Variants in NCAM2 observed in about 807,000 individuals in gnomAD.
NCAM2 encodes the protein neural cell adhesion molecule 2.
In NCAM2, 30 loss-of-function variants were observed where a neutral mutation model predicts 98.1. The observed-to-expected ratio is 0.31, with a 90% CI of 0.23 to 0.41. The LOEUF (loss-of-function observed/expected upper bound fraction) is 0.41. Ranked by LOEUF, NCAM2 falls within the 10% of genes least tolerant of loss-of-function variation. The pLI is 1.00. For missense variants in NCAM2, 867 were observed against 1,005.8 expected, an observed-to-expected ratio of 0.86 and a Z score of 1.87; for synonymous variants, 368 against 342.4, an observed-to-expected ratio of 1.07 and a Z score of -0.83.
At chr21:21,403,582 A>G (rs1349849098) in intron 9 of NCAM2, among the ~76,000 whole-genome samples, 1 of 152,200 alleles carries the variant, frequency 6.6e-6, no homozygotes, top group Non-Finnish European at 1.5e-5. Flanking sequence ...ATGGCTTACT[A>G]TTCATAGACA....
At chr21:21,273,443 G>A (rs1310375518) in intron 1 of NCAM2, among the ~76,000 whole-genome samples, 1 of 152,056 alleles carries the variant, frequency 6.6e-6, no homozygotes, top group Non-Finnish European at 1.5e-5. Context: ...TATAAGAATA[G>A]TCAGGAAAGT....
In NCAM2 at chr21:21,442,256, G is replaced by A. The variant is rs1211234449; in HGVS notation, c.1654+9975G>A. ...TGGTCTTCTAAATGAAAGACACACA[G>A]CACTCAAACCAGGCAGTTGAGGAGG... On this transcript the variant is annotated intron_variant, in intron 12 of 17. Transcript: ENST00000400546. Among the ~76,000 whole-genome samples the A allele has an allele frequency of 2.0e-5, 3 of 152,106 alleles. No homozygotes were observed. In the East Asian group the frequency reaches 5.8e-4, roughly 29 times the overall value.
chr21:21,428,549 A>G (rs2077263644), intron 11 of NCAM2, among the ~76,000 whole-genome samples: 1 of 152,230 alleles, frequency 6.6e-6, no homozygotes, highest in Non-Finnish European at 1.5e-5. Flanking sequence ...TTAGACATCC[A>G]ATAGAAAAGG....
At chr21:21,077,905 T>C (rs2065712398) in intron 1 of NCAM2, among the ~76,000 whole-genome samples, 1 of 152,142 alleles carries the variant, frequency 6.6e-6, no homozygotes, top group African/African-American at 2.4e-5. Context: ...TCATCTAACA[T>C]TTTTAAAATA....
chr21:21,285,049 C>G (rs565542300), intron 3 of NCAM2, among the ~76,000 whole-genome samples: 1 of 151,712 alleles, frequency 6.6e-6, no homozygotes, highest in Non-Finnish European at 1.5e-5. Flanking sequence ...CAATTACTTT[C>G]GTGACCTTGA....
chr21:21,223,863 A>G (rs2070272233), intron 1 of NCAM2: 1 of 152,218 alleles, frequency 6.6e-6, no homozygotes, highest in African/African-American at 2.4e-5. Context: ...AGACGAATAA[A>G]ACATCATCTA....
At chr21:21,354,554 C>T (rs923305133) in intron 8 of NCAM2, among the ~76,000 whole-genome samples, 4 of 152,118 alleles carry the variant, frequency 2.6e-5, no homozygotes, top group African/African-American at 7.2e-5. Context: ...CTAACCTCAG[C>T]GTATCCACCC....
intron 8 of NCAM2, among the ~76,000 whole-genome samples, chr21:21,339,000 G>A (rs999733022): frequency 1.3e-5 from 2 of 152,108 alleles, no homozygotes; most frequent in African/African-American, 4.8e-5. Context: ...AGAAATGATT[G>A]TATATTTAGA....
chr21:21,298,279 G>A (rs1262947925), intron 5 of NCAM2, among the ~76,000 whole-genome samples: 4 of 151,704 alleles, frequency 2.6e-5, no homozygotes, highest in Non-Finnish European at 5.9e-5. Context: ...GTTGAATCAT[G>A]TAATTGAATC....
chr21:21,119,627 G>A (rs1350086268), intron 1 of NCAM2, among the ~76,000 whole-genome samples: 1 of 152,044 alleles, frequency 6.6e-6, no homozygotes, highest in Non-Finnish European at 1.5e-5. Context: ...TGTTTAATAA[G>A]CCAATTTAGG....
intron 1 of NCAM2, chr21:21,223,622 G>T (rs2070259832): frequency 6.6e-6 from 1 of 152,074 alleles, no homozygotes; most frequent in Admixed American, 6.6e-5. Context: ...ATAAAACAGG[G>T]AAACATAAAG....
At chr21:21,246,329 G>A (rs922716679) in intron 1 of NCAM2, among the ~76,000 whole-genome samples, 3 of 151,972 alleles carry the variant, frequency 2.0e-5, no homozygotes, top group Non-Finnish European at 2.9e-5. Context: ...TCTCGATCTC[G>A]GTAAACTATG....
In NCAM2 at chr21:21,351,174, G is replaced by T. The variant is rs186477289; in HGVS notation, c.1044+12640G>T. Among the ~76,000 whole-genome samples the T allele has an allele frequency of 3.6e-3, 503 of 138,564 alleles. 3 individuals are homozygous for T. Among genetic ancestry groups the T allele is most frequent in the African/African-American group, 0.013 (479 of 36,564 alleles). 90.9% of individuals were successfully genotyped at this position (138,564 alleles called of 152,430 possible). A position where few individuals can be genotyped will look rare whatever the true frequency, so the allele number is the denominator to read the frequency against. ...TTTCTAATATCCAATATAATTTCAAGATAATTTTTCTCTATTTTATTGAGT... is the reference window on the plus strand; with the variant it reads ...TTTCTAATATCCAATATAATTTCAATATAATTTTTCTCTATTTTATTGAGT... On this transcript the variant is annotated intron_variant, in intron 8 of 17. Transcript: ENST00000400546.
At chr21:21,059,496 G>A (rs2146323349) in intron 1 of NCAM2, among the ~76,000 whole-genome samples, 1 of 152,084 alleles carries the variant, frequency 6.6e-6, no homozygotes, top group Non-Finnish European at 1.5e-5. Flanking sequence ...AGCCACAGTG[G>A]ACTAAATGGC....
At chr21:21,123,026 CTGTG>C (rs963699507) in intron 1 of NCAM2, among the ~76,000 whole-genome samples, 4 of 152,128 alleles carry the variant, frequency 2.6e-5, no homozygotes, top group African/African-American at 9.7e-5. Flanking sequence ...TCATTGCAGT[CTGTG>C]TATTTTCCTT....
At chr21:21,475,098 CT>C (rs1370286064) in intron 14 of NCAM2, among the ~76,000 whole-genome samples, 1 of 151,614 alleles carries the variant, frequency 6.6e-6, no homozygotes, top group Non-Finnish European at 1.5e-5. Flanking sequence ...ACAGTGTTTG[CT>C]TATACATCTC....
chr21:21,483,441 A>G (rs910910806), intron 15 of NCAM2, among the ~76,000 whole-genome samples: 1 of 152,046 alleles, frequency 6.6e-6, no homozygotes, highest in African/African-American at 2.4e-5. Flanking sequence ...TGGGCTTTTA[A>G]TTTGTACTTC....
chr21:21,244,224 C>T (rs2075896463), intron 1 of NCAM2, among the ~76,000 whole-genome samples: 1 of 151,880 alleles, frequency 6.6e-6, no homozygotes, highest in South Asian at 2.1e-4. Flanking sequence ...AGAATAAAAC[C>T]CCTTTACTAT....
chr21:21,116,507 C>T (rs895287090), intron 1 of NCAM2, among the ~76,000 whole-genome samples: 1 of 152,084 alleles, frequency 6.6e-6, no homozygotes, highest in Non-Finnish European at 1.5e-5. Flanking sequence ...ACCAGTTAGG[C>T]GGGCTATCTT....
Sources: allele counts gnomAD v4.1 joint callset (sites outside exome capture counted in the v4.1 genomes callset), GRCh38; gene constraint gnomAD v4.1.1; transcripts MANE v1.5; gene names NCBI Gene and HGNC (gene_info 2026-07-23, HGNC 2026-07-21).